The following CLNK variants were observed in gnomAD, a reference collection of about 807,000 sequenced individuals.
CLNK encodes cytokine dependent hematopoietic cell linker.
Under a neutral mutation model 68.6 loss-of-function variants are expected in CLNK, and 74 were observed. The observed-to-expected ratio is 1.08, with a 90% CI of 0.89 to 1.31. The LOEUF (loss-of-function observed/expected upper bound fraction) is 1.31, where lower values mean the gene tolerates loss of function less well. Ranked by LOEUF, CLNK falls within the 50% of genes most tolerant of loss-of-function variation. The pLI, the probability that CLNK is intolerant of heterozygous loss-of-function variation, is 0.00. For synonymous variants in CLNK, 198 were observed against 172.2 expected (o/e 1.15, Z -1.17); for missense variants, 553 against 515.3 (o/e 1.07, Z -0.71).
the CLNK span, among the ~76,000 whole-genome samples, chr4:10,708,941 T>C: frequency 6.6e-6 from 1 of 152,208 alleles, no homozygotes; most frequent in Non-Finnish European, 1.5e-5. Flanking sequence ...CTTTCTTCTT[T>C]TGATTTTTCT....
At chr4:10,720,992 G>T in the CLNK span, among the ~76,000 whole-genome samples, 9 of 152,034 alleles carry the variant, frequency 5.9e-5, no homozygotes, top group Non-Finnish European at 1.3e-4. Context: ...ACAATACAAA[G>T]GAATGAATTG....
chr4:10,496,950 G>T (rs899500830), intron 18 of CLNK, among the ~76,000 whole-genome samples: 1 of 152,148 alleles, frequency 6.6e-6, no homozygotes, highest in South Asian at 2.1e-4. Flanking sequence ...TTTCATTTTC[G>T]ATAAATCTCT....
intron 18 of CLNK, among the ~76,000 whole-genome samples, chr4:10,499,477 A>C (rs1043744042): frequency 2.6e-5 from 4 of 152,198 alleles, no homozygotes; most frequent in African/African-American, 9.6e-5. Flanking sequence ...GTCTCAAAAA[A>C]GTGCTCTGGT....
intron 1 of CLNK, among the ~76,000 whole-genome samples, chr4:10,683,785 A>C (rs1725173893): frequency 6.6e-6 from 1 of 152,142 alleles, no homozygotes; most frequent in Admixed American, 6.6e-5. Flanking sequence ...TGAAATGATT[A>C]TTCCTGGTGG....
chr4:10,666,824 ATGGGCT>A (rs2108892600), intron 2 of CLNK, among the ~76,000 whole-genome samples: 1 of 152,286 alleles, frequency 6.6e-6, no homozygotes, highest in Admixed American at 6.5e-5. Flanking sequence ...TTCCCATCCC[ATGGGCT>A]TGGCTGTGAG....
the CLNK span, among the ~76,000 whole-genome samples, chr4:10,694,465 T>C: frequency 6.6e-6 from 1 of 152,136 alleles, no homozygotes; most frequent in African/African-American, 2.4e-5. Flanking sequence ...ACCATAATTT[T>C]ACTGTACCTT....
chr4:10,623,321 G>A (rs943724713), intron 2 of CLNK, among the ~76,000 whole-genome samples: 1 of 152,150 alleles, frequency 6.6e-6, no homozygotes, highest in Non-Finnish European at 1.5e-5. Context: ...AGAAGCAGCC[G>A]TCTTATAGGA....
chr4:10,526,606 T>C (rs536984405), intron 13 of CLNK, among the ~76,000 whole-genome samples: 2 of 152,276 alleles, frequency 1.3e-5, no homozygotes, highest in South Asian at 2.1e-4. Context: ...CAGCTCGTCA[T>C]GGCGCTTGTA....
intron 14 of CLNK, among the ~76,000 whole-genome samples, chr4:10,522,398 AC>A (rs1316377416): frequency 6.6e-6 from 1 of 151,256 alleles, no homozygotes; most frequent in Non-Finnish European, 1.5e-5. Context: ...ACATGGTGAA[AC>A]CCTGTCTCTA....
chr4:10,677,793 G>A (rs1270802410), intron 1 of CLNK, among the ~76,000 whole-genome samples: 2 of 151,880 alleles, frequency 1.3e-5, no homozygotes, highest in Non-Finnish European at 1.5e-5. Flanking sequence ...CTCAGTCTCA[G>A]AGAAGTGCTT....
At chr4:10,592,776 A>T (rs1261245218) in intron 3 of CLNK, among the ~76,000 whole-genome samples, 2 of 151,926 alleles carry the variant, frequency 1.3e-5, no homozygotes, top group Non-Finnish European at 2.9e-5. Flanking sequence ...CCCAGGTTGG[A>T]GTGCAGTGAG....
At chr4:10,592,696 T>G (rs1721223280) in intron 3 of CLNK, among the ~76,000 whole-genome samples, 1 of 139,598 alleles carries the variant, frequency 7.2e-6, no homozygotes, top group Admixed American at 6.9e-5. Flanking sequence ...CTACTTGTTG[T>G]TTGTTTGTTT....
intron 2 of CLNK, among the ~76,000 whole-genome samples, chr4:10,625,766 A>G (rs1196587810): frequency 6.6e-6 from 1 of 152,160 alleles, no homozygotes; most frequent in Non-Finnish European, 1.5e-5. Flanking sequence ...ACAGAGACAG[A>G]GGCAGAGATA....
At chr4:10,730,053 G>T in the CLNK span, among the ~76,000 whole-genome samples, 1 of 152,206 alleles carries the variant, frequency 6.6e-6, no homozygotes, top group Non-Finnish European at 1.5e-5. Context: ...AGCACAATGT[G>T]AGGTGATGAT....
intron 2 of CLNK, among the ~76,000 whole-genome samples, chr4:10,617,265 T>C (rs549541722): frequency 1.5e-3 from 233 of 152,308 alleles, no homozygotes; most frequent in African/African-American, 5.4e-3. Flanking sequence ...CTTCAATATT[T>C]GTTTATCTGT....
chr4:10,636,991 G>C (rs528258961), intron 2 of CLNK, among the ~76,000 whole-genome samples: 1 of 152,284 alleles, frequency 6.6e-6, no homozygotes, highest in South Asian at 2.1e-4. Context: ...CAGGGGCTGG[G>C]CACTATGGCT....
the CLNK span, among the ~76,000 whole-genome samples, chr4:10,731,742 G>A: frequency 3.9e-5 from 6 of 152,268 alleles, no homozygotes; most frequent in Admixed American, 3.3e-4. Context: ...CTGCTCTCAT[G>A]GAGGGCAGAA....
the CLNK span, among the ~76,000 whole-genome samples, chr4:10,703,233 G>C: frequency 6.6e-6 from 1 of 152,054 alleles, no homozygotes; most frequent in African/African-American, 2.4e-5. Context: ...CTACACTAAC[G>C]TAGTTATGAA....
chr4:10,665,594 T>C (rs1224231497), intron 2 of CLNK, among the ~76,000 whole-genome samples: 1 of 145,334 alleles, frequency 6.9e-6, no homozygotes. Context: ...AACCAGGGAG[T>C]TGGAGGTTGC....
Sources: allele counts gnomAD v4.1 joint callset (sites outside exome capture counted in the v4.1 genomes callset), GRCh38; gene constraint gnomAD v4.1.1; transcripts MANE v1.5; gene names NCBI Gene and HGNC (gene_info 2026-07-23, HGNC 2026-07-21).